The following RIN2 variants were observed in gnomAD, a reference collection of about 807,000 sequenced individuals.
RIN2 encodes the protein Ras and Rab interactor 2, also known as RAB5 interacting protein 2.
A neutral mutation model predicts 78.0 loss-of-function variants in RIN2; 36 were observed. The ratio of observed to expected loss-of-function variants is 0.46; its 90% confidence interval spans 0.35 to 0.61. RIN2 has a LOEUF of 0.61. RIN2 is among the 20% of genes least tolerant of loss of function. The pLI is 0.00. For missense variants in RIN2, 1,087 were observed against 1,159.7 expected (o/e 0.94, Z 0.91); for synonymous variants, 466 against 466.8 (o/e 1.00, Z 0.02).
chr20:19,900,397 T>C (rs544424560), intron 3 of RIN2, among the ~76,000 whole-genome samples: 1 of 151,938 alleles, frequency 6.6e-6, no homozygotes, highest in African/African-American at 2.4e-5. Context: ...GCAGGAGAAT[T>C]GCTTGAACCC....
chr20:19,773,365 G>A (rs887216382), intron 1 of RIN2, among the ~76,000 whole-genome samples: 6 of 152,276 alleles, frequency 3.9e-5, no homozygotes, highest in Middle Eastern at 6.8e-3. Context: ...CCATAACTAG[G>A]TGTAAAATTA....
chr20:19,853,135 TG>T (rs1355737183), intron 2 of RIN2, among the ~76,000 whole-genome samples: 14 of 150,866 alleles, frequency 9.3e-5, no homozygotes, highest in Admixed American at 8.0e-4. Context: ...ATGCGGTGTT[TG>T]GTTTTTTGTC....
intron 2 of RIN2, among the ~76,000 whole-genome samples, chr20:19,846,207 A>G (rs1330897514): frequency 6.6e-6 from 1 of 152,094 alleles, no homozygotes; most frequent in Non-Finnish European, 1.5e-5. Context: ...TCTTGGCTAT[A>G]CGGGCTCTTT....
intron 2 of RIN2, among the ~76,000 whole-genome samples, chr20:19,864,018 TA>T (rs112956359): frequency 2.3e-4 from 33 of 144,640 alleles, no homozygotes; most frequent in Non-Finnish European, 2.4e-4. Context: ...GGGTGGGTGG[TA>T]AAAAAAAAAC....
rs1491112083 is a variant in RIN2, at chr20:19,874,084, GTT to G, written c.-36-15480_-36-15479del. 2.8e-4 allele frequency among the ~76,000 whole-genome samples: 40 copies of G among 141,796 alleles called. 1 individual carries two copies. The highest frequency in any genetic ancestry group is 9.3e-4 in the African/African-American group (36 of 38,918). The allele number at this position is 141,796 out of a possible 152,430, so 93.0% of individuals were successfully genotyped here. A position where few individuals can be genotyped will look rare whatever the true frequency, so the allele number is the denominator to read the frequency against. Reference sequence around the variant, plus strand: ...TTGGTGTGTGTGTGTGTGTGTGTGTGTTTGTGTGTGTTGGTTATTTCACTGCT... The same window carrying G: ...TTGGTGTGTGTGTGTGTGTGTGTGTGTGTGTGTGTTGGTTATTTCACTGCT... On this transcript the variant is annotated intron_variant, in intron 2 of 12. Coordinates refer to ENST00000255006, the MANE Select transcript of RIN2 (RefSeq NM_018993.4).
At chr20:19,792,604 A>G (rs540971116) in intron 1 of RIN2, among the ~76,000 whole-genome samples, 2 of 152,332 alleles carry the variant, frequency 1.3e-5, no homozygotes, top group African/African-American at 4.8e-5. Flanking sequence ...GGCAAGAGCC[A>G]CCAGAGGGGC....
chr20:19,879,958 G>A lies in RIN2; in HGVS notation c.-36-9608G>A, dbSNP rs369895508. On this transcript the variant is annotated intron_variant, in intron 2 of 12. Transcript: ENST00000255006. ...ATTTCAAAGTGGTATCAAAAAATAT[G>A]TATTTTTTTCCAGACCGGTTGCAGT... Among the ~76,000 whole-genome samples the A allele has an allele frequency of 7.9e-5, 12 of 152,262 alleles. No individual in the cohort carries two copies. The Middle Eastern group carries it at 0.01, about 129-fold the overall frequency.
intron 4 of RIN2, among the ~76,000 whole-genome samples, chr20:19,941,227 G>A (rs571298099): frequency 3.2e-4 from 48 of 152,278 alleles, no homozygotes; most frequent in African/African-American, 1.1e-3. Flanking sequence ...GTGGCTATGT[G>A]ACAGCATTGA....
chr20:19,995,590 C>G (rs2146412961), intron 11 of RIN2, among the ~76,000 whole-genome samples: 1 of 152,138 alleles, frequency 6.6e-6, no homozygotes, highest in Non-Finnish European at 1.5e-5. Context: ...TCCTCAAGAA[C>G]ATAAGAGATC....
chr20:19,998,233 C>T (rs939273418), intron 12 of RIN2, among the ~76,000 whole-genome samples: 2 of 152,022 alleles, frequency 1.3e-5, no homozygotes, highest in African/African-American at 2.4e-5. Context: ...CCACCCGCCT[C>T]AGCTTCCCAA....
chr20:19,848,239 A>G (rs941240978), intron 2 of RIN2, among the ~76,000 whole-genome samples: 1 of 152,194 alleles, frequency 6.6e-6, no homozygotes, highest in Non-Finnish European at 1.5e-5. Flanking sequence ...TTGACTTAAA[A>G]AGAGCAGGGT....
intron 1 of RIN2, among the ~76,000 whole-genome samples, chr20:19,780,175 G>GA (rs1330215919): frequency 1.3e-5 from 2 of 152,340 alleles, no homozygotes; most frequent in East Asian, 1.9e-4. Context: ...GATATTCCTT[G>GA]AGAAATTTCA....
chr20:19,946,239 G>C (rs2041084533), intron 4 of RIN2, among the ~76,000 whole-genome samples: 1 of 152,144 alleles, frequency 6.6e-6, no homozygotes, highest in Non-Finnish European at 1.5e-5. Context: ...TGGAGGTGTG[G>C]GGACAGTAGG....
At chr20:19,797,290 G>A (rs979726211) in intron 1 of RIN2, among the ~76,000 whole-genome samples, 5 of 152,128 alleles carry the variant, frequency 3.3e-5, no homozygotes, top group Admixed American at 6.5e-5. Flanking sequence ...CAGGCCCACC[G>A]TATTTATGAT....
intron 1 of RIN2, among the ~76,000 whole-genome samples, chr20:19,764,163 A>T (rs976303280): frequency 6.6e-6 from 1 of 152,232 alleles, no homozygotes; most frequent in Non-Finnish European, 1.5e-5. Flanking sequence ...GGAATTCAAA[A>T]TTTAAAAAAA....
intron 3 of RIN2, among the ~76,000 whole-genome samples, chr20:19,893,359 C>T (rs2038570997): frequency 6.6e-6 from 1 of 152,184 alleles, no homozygotes; most frequent in Non-Finnish European, 1.5e-5. Flanking sequence ...AGCTGAATTC[C>T]ACATGAGTAT....
rs147968123 is a variant in RIN2 at position 19,956,803 on chromosome 20, C to G, written c.347C>G (p.Pro116Arg). ...EAAEVLQAQP[P>R]GIFLVHKSTK... is the part of the protein sequence containing the mutation. ...GCAGAGGTCCTGCAGGCCCAGCCTC[C>G]GGGGGTAAGACTCAGAACCTCGGGA... The change falls in exon 5 of 13, where the codon CCG (proline) becomes CGG (arginine). Residue 116 changes from proline (P) to arginine (R), a missense_variant. Transcript: ENST00000255006. 2 of 1,574,608 alleles carry G rather than the reference C, an allele frequency of 1.3e-6. No individual in the cohort carries two copies. Among genetic ancestry groups the G allele is most frequent in the African/African-American group, 2.7e-5 (2 of 74,138 alleles).
intron 2 of RIN2, among the ~76,000 whole-genome samples, chr20:19,870,847 A>G (rs1267058171): frequency 6.6e-6 from 1 of 152,150 alleles, no homozygotes. Flanking sequence ...CTTCTAGGGC[A>G]TCACGTCTGG....
At chr20:19,923,469 T>TAAAATAAAATAAAATA (rs144067000) in intron 3 of RIN2, among the ~76,000 whole-genome samples, 5 of 97,154 alleles carry the variant, frequency 5.1e-5, no homozygotes, top group African/African-American at 2.1e-4. Context: ...TAAAATAAAA[T>TAAAATAAAATAAAATA]AAATAAAATA....
Sources: allele counts gnomAD v4.1 joint callset (sites outside exome capture counted in the v4.1 genomes callset), GRCh38; gene constraint gnomAD v4.1.1; transcripts MANE v1.5; gene names NCBI Gene and HGNC (gene_info 2026-07-23, HGNC 2026-07-21).